The following PTPRZ1 variants were observed in gnomAD, a reference collection of about 807,000 sequenced individuals.
PTPRZ1 encodes receptor-type tyrosine-protein phosphatase zeta.
A neutral mutation model predicts 214.1 loss-of-function variants in PTPRZ1; 82 were observed. The observed-to-expected ratio is 0.38, with a 90% CI of 0.32 to 0.46. The LOEUF (loss-of-function observed/expected upper bound fraction) is 0.46. PTPRZ1 is among the 20% of genes least tolerant of loss of function. PTPRZ1 has a pLI of 1.00. For missense variants in PTPRZ1, 2,603 were observed against 2,748.7 expected (o/e 0.95, Z 1.19); for synonymous variants, 945 against 987.9 (o/e 0.96, Z 0.81).
chr7:121,994,487 G>T (rs1294626236), intron 8 of PTPRZ1, among the ~76,000 whole-genome samples: 4 of 151,394 alleles, frequency 2.6e-5, no homozygotes, highest in East Asian at 1.9e-4. Flanking sequence ...GTAGAGACAG[G>T]GTTTCACCGT....
intron 2 of PTPRZ1, among the ~76,000 whole-genome samples, chr7:121,965,662 A>T (rs1395594316): frequency 6.6e-6 from 1 of 152,192 alleles, no homozygotes. Flanking sequence ...CTTCATATTC[A>T]TAAGTCCTGT....
chr7:121,997,926 A>T lies in PTPRZ1; in HGVS notation c.1160A>T (p.Gln387Leu). Residue 387 changes from glutamine to leucine, a missense_variant, in exon 10 of 30, where the codon CAG (glutamine) becomes CTG (leucine). Coordinates refer to ENST00000393386, the MANE Select transcript of PTPRZ1 (RefSeq NM_002851.3). ...NLLPNMSYVL[Q>L]IVAICTNGLY... Reference sequence around the variant, plus strand: ...CTACCCAATATGAGTTATGTTCTTCAGATAGTAGCCATATGCACTAATGGC... The same window carrying T: ...CTACCCAATATGAGTTATGTTCTTCTGATAGTAGCCATATGCACTAATGGC... The T allele has an allele frequency of 6.2e-7, 1 of 1,611,000 alleles. No individual in the cohort carries two copies. The highest frequency in any genetic ancestry group is 2.2e-5 in the East Asian group (1 of 44,822).
intron 1 of PTPRZ1, among the ~76,000 whole-genome samples, chr7:121,892,735 A>G (rs1193209970): frequency 7.9e-6 from 1 of 126,668 alleles, no homozygotes; most frequent in Non-Finnish European, 1.7e-5. Flanking sequence ...TAATGTTTAT[A>G]TAAATGTCTT....
At chr7:121,932,062 T>C (rs752509945) in intron 2 of PTPRZ1, among the ~76,000 whole-genome samples, 24 of 152,164 alleles carry the variant, frequency 1.6e-4, no homozygotes, top group Non-Finnish European at 2.9e-5. Flanking sequence ...AAATTATTCC[T>C]AGAATATTTG....
intron 6 of PTPRZ1, among the ~76,000 whole-genome samples, chr7:121,981,110 T>C (rs1797596417): frequency 6.7e-6 from 1 of 149,656 alleles, no homozygotes; most frequent in African/African-American, 2.5e-5. Context: ...GCCACTGCAC[T>C]CCAGCCTGGG....
intron 1 of PTPRZ1, among the ~76,000 whole-genome samples, chr7:121,907,087 T>C (rs894526836): frequency 5.3e-5 from 8 of 152,242 alleles, no homozygotes; most frequent in African/African-American, 1.4e-4. Context: ...ATAAACACTA[T>C]TCATAGAGTT....
At chr7:121,898,193 A>G (rs922755090) in intron 1 of PTPRZ1, among the ~76,000 whole-genome samples, 4 of 152,172 alleles carry the variant, frequency 2.6e-5, no homozygotes, top group African/African-American at 9.7e-5. Context: ...TGCAGCTCTC[A>G]TAAGTTTCAT....
intron 1 of PTPRZ1, among the ~76,000 whole-genome samples, chr7:121,874,599 G>A (rs1391667489): frequency 6.6e-6 from 1 of 152,126 alleles, no homozygotes; most frequent in Non-Finnish European, 1.5e-5. Flanking sequence ...TCCAATAGAT[G>A]GTGCTGCTCT....
intron 1 of PTPRZ1, among the ~76,000 whole-genome samples, chr7:121,879,234 G>T (rs1794157380): frequency 6.6e-6 from 1 of 152,196 alleles, no homozygotes; most frequent in Non-Finnish European, 1.5e-5. Context: ...TTCTAGAGGA[G>T]TTGGCACCAA....
At chr7:121,965,994 A>T (rs1437054106) in intron 2 of PTPRZ1, among the ~76,000 whole-genome samples, 1 of 152,190 alleles carries the variant, frequency 6.6e-6, no homozygotes, top group African/African-American at 2.4e-5. Flanking sequence ...GTACAGGCAA[A>T]TGATGACAGT....
chr7:121,947,069 C>G (rs1796402758), intron 2 of PTPRZ1, among the ~76,000 whole-genome samples: 1 of 152,016 alleles, frequency 6.6e-6, no homozygotes, highest in Non-Finnish European at 1.5e-5. Context: ...CTCCATGGTA[C>G]TAATGTTATC....
At chr7:121,907,520 CA>C (rs1795151571) in intron 1 of PTPRZ1, among the ~76,000 whole-genome samples, 1 of 151,910 alleles carries the variant, frequency 6.6e-6, no homozygotes, top group South Asian at 2.1e-4. Context: ...AGAGTGATTT[CA>C]GTATCCATCT....
chr7:122,027,189 C>T (rs1016805886), intron 13 of PTPRZ1, among the ~76,000 whole-genome samples: 1 of 152,032 alleles, frequency 6.6e-6, no homozygotes, highest in Non-Finnish European at 1.5e-5. Context: ...GGGAAGGAGG[C>T]AGGAAGCCAG....
At chr7:121,947,076 T>G (rs2116443069) in intron 2 of PTPRZ1, among the ~76,000 whole-genome samples, 1 of 152,252 alleles carries the variant, frequency 6.6e-6, no homozygotes, top group Admixed American at 6.5e-5. Flanking sequence ...GTACTAATGT[T>G]ATCAATGTTA....
intron 1 of PTPRZ1, among the ~76,000 whole-genome samples, chr7:121,916,865 T>C (rs748010834): frequency 3.3e-5 from 5 of 152,184 alleles, no homozygotes; most frequent in African/African-American, 7.2e-5. Context: ...AGGCCTCACT[T>C]TGGGGATTCA....
intron 8 of PTPRZ1, among the ~76,000 whole-genome samples, chr7:121,986,469 G>T (rs901445710): frequency 1.3e-5 from 2 of 152,134 alleles, no homozygotes; most frequent in East Asian, 1.9e-4. Flanking sequence ...TGAGTGTTTT[G>T]TTTATCCTAA....
chr7:121,874,465 A>T (rs995495657), intron 1 of PTPRZ1, among the ~76,000 whole-genome samples: 2 of 152,282 alleles, frequency 1.3e-5, no homozygotes, highest in Admixed American at 1.3e-4. Context: ...TTACGCATTA[A>T]CCTGAAAGTT....
chr7:121,925,847 T>G (rs767286805), intron 1 of PTPRZ1, among the ~76,000 whole-genome samples: 2 of 152,192 alleles, frequency 1.3e-5, no homozygotes, highest in Non-Finnish European at 2.9e-5. Flanking sequence ...GGTGCCCCAC[T>G]GAAGTTAGGC....
At position 122,013,320 on chromosome 7, in the gene PTPRZ1, G is replaced by A. The variant is rs62639684; in HGVS notation, c.4274G>A (p.Gly1425Asp). 6.2e-7 allele frequency: 1 copy of A among 1,609,566 alleles called. No individual in the cohort carries two copies. Among genetic ancestry groups the A allele is most frequent in the Admixed American group, 1.7e-5 (1 of 59,876 alleles). ...GAAGATGGTGACACTGATGATGATG[G>A]TGATGATGATGATGATGACAGAGGT... is the stretch of plus-strand genomic sequence containing the variant. Reference protein sequence around the residue: ...GGEDGDTDDDGDDDDDDRGSD... With the variant: ...GGEDGDTDDDDDDDDDDRGSD... The change falls in exon 12 of 30, where the codon GGT becomes GAT. Residue 1425 changes from glycine (G) to aspartate (D), a missense_variant. Around this residue, in one of 6 missense-constraint regions of PTPRZ1, gnomAD observed 1,913 missense variants for 1,914.3 expected, o/e 1.00. Transcript: ENST00000393386.
Sources: allele counts gnomAD v4.1 joint callset (sites outside exome capture counted in the v4.1 genomes callset), GRCh38; gene constraint gnomAD v4.1.1; regional missense constraint gnomAD v4.1.1; transcripts MANE v1.5; gene names NCBI Gene and HGNC (gene_info 2026-07-23, HGNC 2026-07-21).